The following KRT39 variants were observed in gnomAD, a reference collection of about 807,000 sequenced individuals.
KRT39 encodes the protein keratin, type I cytoskeletal 39.
KRT39 carries 47 observed loss-of-function variants against 54.8 expected under a neutral mutation model. That is an observed-to-expected ratio of 0.86 (90% CI 0.68 to 1.09). KRT39 has a LOEUF of 1.09. KRT39 is among the 50% of genes least tolerant of loss of function. KRT39 has a pLI of 0.00. For missense variants in KRT39, 580 were observed against 598.5 expected, an observed-to-expected ratio of 0.97 and a Z score of 0.32; for synonymous variants, 207 against 227.9, an observed-to-expected ratio of 0.91 and a Z score of 0.83.
In KRT39 at chr17:40,960,308, C is replaced by A. The variant is rs756993155; in HGVS notation, c.1190G>T (p.Arg397Leu). 29 of 1,613,078 alleles carry A rather than the reference C, an allele frequency of 1.8e-5. No individual in the cohort carries two copies. The Middle Eastern group carries it at 5.1e-4, about 28-fold the overall frequency. The change falls in exon 6 of 7, where the codon CGC becomes CTC. Residue 397 changes from arginine (R) to leucine (L), a missense_variant. Arg to Leu is a moderately radical substitution (Grantham distance 102, BLOSUM62 -2). Transcript: ENST00000355612. ...SRLECEITTY[R>L]SLLESSDGKR... ...GCCATCCGAGCTCTCCAGAAGGCTG[C>A]GGTATGTGGTAATCTCACATTCCAG...
At chr17:40,963,271 G>A (rs566022720) in intron 3 of KRT39, among the ~76,000 whole-genome samples, 4 of 152,118 alleles carry the variant, frequency 2.6e-5, no homozygotes, top group Non-Finnish European at 5.9e-5. Flanking sequence ...ATTGGATCAT[G>A]GGGGTGGTGT....
At chr17:40,964,872 C>A (rs1351700375) in intron 1 of KRT39, among the ~76,000 whole-genome samples, 1 of 151,562 alleles carries the variant, frequency 6.6e-6, no homozygotes, top group Non-Finnish European at 1.5e-5. Flanking sequence ...ACCATCCTGG[C>A]CAACATGGTG....
In KRT39 at chr17:40,963,497, G is replaced by A. The variant is rs989259576; in HGVS notation, c.708+130C>T. The A allele has an allele frequency of 1.8e-5, 14 of 798,594 alleles. No individual in the cohort carries two copies. In the African/African-American group the frequency reaches 2.4e-4, roughly 14 times the overall value. 49.5% of individuals were successfully genotyped at this position (798,594 alleles called of 1,614,324 possible). A position where few individuals can be genotyped will look rare whatever the true frequency, so the allele number is the denominator to read the frequency against. Reference sequence around the variant, plus strand: ...GTCCTTTATAAATTACCTACTCTCAGTTATTTCTTTATAGCAGTGTGAGAA... The same window carrying A: ...GTCCTTTATAAATTACCTACTCTCAATTATTTCTTTATAGCAGTGTGAGAA... On this transcript the variant is annotated intron_variant, in intron 3 of 6. Coordinates refer to ENST00000355612, the MANE Select transcript of KRT39 (RefSeq NM_213656.4).
chr17:40,962,316 A>G, intron 4 of KRT39, 29 bp from the exon 5 acceptor site: 2 of 1,613,080 alleles, frequency 1.2e-6, no homozygotes, highest in Non-Finnish European at 1.7e-6. Context: ...GACTGAGAAT[A>G]TTATGGGAGG....
chr17:40,958,713 G>A lies in KRT39; in HGVS notation c.1364C>T (p.Ser455Phe), dbSNP rs1567828561. The A allele has an allele frequency of 6.2e-7, 1 of 1,614,082 alleles. No individual in the cohort carries two copies. Among genetic ancestry groups the A allele is most frequent in the African/African-American group, 1.3e-5 (1 of 75,018 alleles). ...KEHCSACGPL[S>F]RILVKICTIT... ...GGTGCAAATTTTAACCAGTATCCGG[G>A]ACAGGGGTCCGCAGGCACTGCAGTG... The change falls in exon 7 of 7, where the codon TCC (serine) becomes TTC (phenylalanine). Residue 455 changes from serine (S) to phenylalanine (F), a missense_variant. Ser to Phe is a radical substitution (Grantham distance 155). Coordinates refer to ENST00000355612, the MANE Select transcript of KRT39 (RefSeq NM_213656.4).
In KRT39 at chr17:40,963,760, C is replaced by A. The variant is rs948174166; in HGVS notation, c.575G>T (p.Arg192Leu). 1 of 1,592,830 alleles carries A rather than the reference C, an allele frequency of 6.3e-7. No individual in the cohort carries two copies. Among genetic ancestry groups the A allele is most frequent in the Non-Finnish European group, 8.6e-7 (1 of 1,163,640 alleles). ...RAKYEAEVSLRQLVESDANGL... is the reference protein window; with the variant it reads ...RAKYEAEVSLLQLVESDANGL... Reference sequence around the variant, plus strand: ...ATTGGCATCTGACTCTACCAGCTGGCGTAGAGACACCTCAGCTTCGTATCT... The same window carrying A: ...ATTGGCATCTGACTCTACCAGCTGGAGTAGAGACACCTCAGCTTCGTATCT... Residue 192 changes from arginine to leucine, a missense_variant, in exon 3 of 7, where the codon CGC becomes CTC. By Grantham distance (102) the Arg-to-Leu change is moderately radical (BLOSUM62 -2). Transcript: ENST00000355612.
At position 40,960,462 on chromosome 17, in the gene KRT39, G is replaced by C. The variant is rs145948238; in HGVS notation, c.1036C>G (p.Arg346Gly). Residue 346 changes from arginine (R) to glycine (G), a missense_variant, in exon 6 of 7, where the codon CGC (arginine) becomes GGC (glycine). Physicochemically the swap from Arg to Gly is moderately radical, Grantham distance 125 (BLOSUM62 -2). Transcript: ENST00000355612. ...QECILTETEA[R>G]YTALLTQIQS... ...ATCTGGGTCAGCAAGGCCGTGTAGC[G>C]AGCCTCTGTCTCCGTTAGGATGCAC... 1 of 1,613,888 alleles carries C rather than the reference G, an allele frequency of 6.2e-7. No individual in the cohort carries two copies. The highest frequency in any genetic ancestry group is 1.3e-5 in the African/African-American group (1 of 74,870).
chr17:40,963,034 G>T (rs1425016859), intron 3 of KRT39, among the ~76,000 whole-genome samples: 1 of 152,188 alleles, frequency 6.6e-6, no homozygotes, highest in Non-Finnish European at 1.5e-5. Context: ...TAGAAAAGCT[G>T]GAGGGGATGT....
Position 40,958,865 on chromosome 17 carries a change from G to GAA in KRT39, c.1218-8_1218-7dup, listed in dbSNP as rs202214066. On this transcript the variant is annotated splice_polypyrimidine_tract_variant and splice_region_variant and intron_variant, in intron 6 of 6. Coordinates refer to ENST00000355612, the MANE Select transcript of KRT39 (RefSeq NM_213656.4). ...CACGTGGGTAACAGGGACGCCTAAG[G>GAA]AAAAAAAACACAATTTTAGCTGTGA... The GAA allele has an allele frequency of 1.3e-6, 2 of 1,560,290 alleles. No individual in the cohort carries two copies. Among genetic ancestry groups the GAA allele is most frequent in the African/African-American group, 2.8e-5 (2 of 72,062 alleles).
chr17:40,961,390 A>G (rs557339278), intron 5 of KRT39, among the ~76,000 whole-genome samples: 1 of 152,286 alleles, frequency 6.6e-6, no homozygotes. Context: ...AGATGAGAAA[A>G]CTGAGGTTCA....
rs1222369307 is a variant in KRT39 at position 40,960,436 on chromosome 17, G to T, written c.1062C>A (p.Ile354=). 1.2e-6 allele frequency: 2 copies of T among 1,613,934 alleles called. No individual in the cohort carries two copies. The highest frequency in any genetic ancestry group is 1.7e-6 in the Non-Finnish European group (2 of 1,180,018). ...EARYTALLTQ[I]QSLIDNLEAQ... ...CTTCCAGGTTATCAATCAGACTCTG[G>T]ATCTGGGTCAGCAAGGCCGTGTAGC... is the stretch of plus-strand genomic sequence containing the variant. The change falls in exon 6 of 7, where the codon ATC becomes ATA. Residue 354 remains isoleucine, a synonymous_variant. Coordinates refer to ENST00000355612, the MANE Select transcript of KRT39 (RefSeq NM_213656.4).
chr17:40,960,086 C>T (rs2143610269), intron 6 of KRT39, among the ~76,000 whole-genome samples, 195 bp downstream of exon 6: 1 of 152,298 alleles, frequency 6.6e-6, no homozygotes, highest in African/African-American at 2.4e-5. Context: ...GCCAATGCCT[C>T]AAATTTGGAT....
chr17:40,965,221 C>T (rs1310480271), intron 1 of KRT39, among the ~76,000 whole-genome samples: 1 of 141,500 alleles, frequency 7.1e-6, no homozygotes, highest in Non-Finnish European at 1.5e-5. Flanking sequence ...AAAAAAAATA[C>T]AAAAATTATC....
At position 40,962,172 on chromosome 17, in the gene KRT39, T is replaced by C. The variant is rs1369657932; in HGVS notation, c.986A>G (p.Gln329Arg). Residue 329 changes from glutamine to arginine, a missense_variant, in exon 5 of 7, where the codon CAG becomes CGG. Gln to Arg is a conservative substitution (Grantham distance 43). Coordinates refer to ENST00000355612, the MANE Select transcript of KRT39 (RefSeq NM_213656.4). ...VNTLEVELQA[Q>R]HRMRDSQECI... ...CAGCTTGCTCAGTACCATTCGATGC[T>C]GGGCCTGCAGTTCAACCTCCAGAGT... The C allele has an allele frequency of 6.2e-6, 10 of 1,614,206 alleles. No homozygotes were observed. The highest frequency in any genetic ancestry group is 8.5e-6 in the Non-Finnish European group (10 of 1,180,020).
rs771157014 is a variant in KRT39, at chr17:40,966,842, G to C, written c.15C>G (p.Gly5=). 8.1e-6 allele frequency: 13 copies of C among 1,609,248 alleles called. No individual in the cohort carries two copies. In the African/African-American group the frequency reaches 1.8e-4, roughly 22 times the overall value. MDTK[G]CTTTNSPSTP... ...TTGAAGGAGAATTGGTTGTTGTACA[G>C]CCCTTGGTGTCCATAGTATGTGTCT... Residue 5 remains glycine, a synonymous_variant, in exon 1 of 7, where the codon GGC becomes GGG. Coordinates refer to ENST00000355612, the MANE Select transcript of KRT39 (RefSeq NM_213656.4).
In KRT39 at chr17:40,962,414, C is replaced by CCA; in HGVS notation, c.856_857dup (p.Trp286CysfsTer7). The stretch of plus-strand genomic sequence containing the variant: ...CTATATCCCCCACCTGCGTGTTGAA[C>CCA]CACTGTTCCACATCTTTGCGGTTTG... On this transcript the variant is annotated frameshift_variant, in exon 4 of 7. Coordinates refer to ENST00000355612, the MANE Select transcript of KRT39 (RefSeq NM_213656.4). LOFTEE classifies it high-confidence loss of function. The CCA allele has an allele frequency of 6.2e-7, 1 of 1,614,136 alleles. No individual in the cohort carries two copies. Among genetic ancestry groups the CCA allele is most frequent in the Non-Finnish European group, 8.5e-7 (1 of 1,180,002 alleles).
In KRT39 at chr17:40,963,660, C is replaced by G; in HGVS notation, c.675G>C (p.Glu225Asp). 6.2e-7 allele frequency: 1 copy of G among 1,609,460 alleles called. No individual in the cohort carries two copies. The highest frequency in any genetic ancestry group is 1.1e-5 in the South Asian group (1 of 90,682). The part of the protein sequence containing the change: ...DLEAQVQSLK[E>D]ELLCLKNNHK... ...GGTTGTTCTTGAGGCAAAGGAGCTC[C>G]TCTTTCAGAGACTGGACTTGTGCCT... The change falls in exon 3 of 7, where the codon GAG becomes GAC. Residue 225 changes from glutamate (E) to aspartate (D), a missense_variant. By Grantham distance (45) the Glu-to-Asp change is conservative (BLOSUM62 2). Coordinates refer to ENST00000355612, the MANE Select transcript of KRT39 (RefSeq NM_213656.4).
At chr17:40,964,269 A>AT (rs1911270599) in intron 2 of KRT39, 177 bp downstream of exon 2, 1 of 638,132 alleles carries the variant, frequency 1.6e-6, no homozygotes, top group African/African-American at 1.8e-5. Context: ...TAGGTACTGT[A>AT]TACATGTGAG....
At chr17:40,961,659 T>G (rs1286988107) in intron 5 of KRT39, among the ~76,000 whole-genome samples, 1 of 152,206 alleles carries the variant, frequency 6.6e-6, no homozygotes, top group Non-Finnish European at 1.5e-5. Flanking sequence ...GAAACTTACC[T>G]TGGATTTGCT....
Sources: gnomAD v4.1 joint callset for allele counts (sites outside exome capture counted in the v4.1 genomes callset) on GRCh38, gnomAD v4.1.1 for gene constraint, MANE v1.5 for transcripts, NCBI Gene and HGNC (gene_info 2026-07-23, HGNC 2026-07-21) for gene names.